IGFL4: variants seen among roughly 807,000 people sequenced by gnomAD.
The protein encoded by IGFL4 is insulin growth factor-like family member 4.
Under a neutral mutation model 15.4 loss-of-function variants are expected in IGFL4, and 12 were observed. The observed-to-expected ratio is 0.78, with a 90% confidence interval of 0.50 to 1.26. The LOEUF (loss-of-function observed/expected upper bound fraction) is 1.26, where lower values mean the gene tolerates loss of function less well. Ranked by LOEUF, IGFL4 falls within the 50% of genes most tolerant of loss-of-function variation. The probability of loss-of-function intolerance (pLI) is 0.00; values close to 1 mark genes in which losing one functional copy is unlikely to be tolerated. For missense variants in IGFL4, 126 were observed against 147.8 expected, an observed-to-expected ratio of 0.85 and a Z score of 0.76; for synonymous variants, 54 against 55.9, an observed-to-expected ratio of 0.97 and a Z score of 0.16.
At chr19:46,056,048 A>G (rs754271348) in intron 2 of IGFL4, among the ~76,000 whole-genome samples, 42 of 152,230 alleles carry the variant, frequency 2.8e-4, no homozygotes, top group Non-Finnish European at 6.0e-4. Context: ...AAGCGCTGGC[A>G]TTACAGGCGT....
At chr19:46,063,722 G>A (rs1969468319) in intron 1 of IGFL4, among the ~76,000 whole-genome samples, 1 of 152,114 alleles carries the variant, frequency 6.6e-6, no homozygotes, top group African/African-American at 2.4e-5. Flanking sequence ...GATGGGTCAG[G>A]AAAGACCCAT....
upstream of IGFL4, among the ~76,000 whole-genome samples, chr19:46,042,751 C>T (rs1339935713): frequency 6.6e-6 from 1 of 152,202 alleles, no homozygotes; most frequent in East Asian, 1.9e-4. Flanking sequence ...AATAGGATGC[C>T]TGTTGCTGAG....
chr19:46,043,894 A>C (rs2146510788), upstream of IGFL4, among the ~76,000 whole-genome samples: 1 of 152,362 alleles, frequency 6.6e-6, no homozygotes, highest in South Asian at 2.1e-4. Flanking sequence ...TGTCCATTTA[A>C]AAAATGGATA....
chr19:46,055,483 C>T (rs189117797), intron 2 of IGFL4, among the ~76,000 whole-genome samples: 23 of 152,282 alleles, frequency 1.5e-4, no homozygotes, highest in African/African-American at 5.3e-4. Context: ...TCTTATCACA[C>T]CCATCTTAAC....
upstream of IGFL4, among the ~76,000 whole-genome samples, chr19:46,041,802 CTCTCTAGAG>C (rs1169616240): frequency 6.7e-6 from 1 of 150,154 alleles, no homozygotes; most frequent in African/African-American, 2.4e-5. Flanking sequence ...TTAGTATAGA[CTCTCTAGAG>C]TCTCTTCCTC....
At chr19:46,043,917 G>C (rs1969272520), upstream of IGFL4, among the ~76,000 whole-genome samples, 1 of 152,162 alleles carries the variant, frequency 6.6e-6, no homozygotes, top group Non-Finnish European at 1.5e-5. Flanking sequence ...TCAGGAAGCG[G>C]GCAAGATGGC....
intron 1 of IGFL4, among the ~76,000 whole-genome samples, chr19:46,068,345 G>T (rs1969514328): frequency 1.3e-5 from 2 of 152,200 alleles, no homozygotes; most frequent in African/African-American, 4.8e-5. Context: ...AGATATTAAA[G>T]ACCTCGAGCT....
intron 1 of IGFL4, among the ~76,000 whole-genome samples, chr19:46,066,016 G>A (rs1008359854): frequency 4.6e-5 from 7 of 152,194 alleles, no homozygotes; most frequent in African/African-American, 1.7e-4. Context: ...GCCCCTGAGA[G>A]ACCCTTAAGG....
upstream of IGFL4, among the ~76,000 whole-genome samples, chr19:46,043,460 T>C (rs1969266159): frequency 6.6e-6 from 1 of 152,178 alleles, no homozygotes; most frequent in Non-Finnish European, 1.5e-5. Flanking sequence ...AGAATTTATC[T>C]GGAAAGGCAG....
chr19:46,068,189 T>C (rs79587806), intron 1 of IGFL4, among the ~76,000 whole-genome samples: 4,020 of 152,328 alleles, frequency 0.026, 77 homozygotes, highest in Middle Eastern at 0.065. Context: ...TCCGCCACCA[T>C]GTGTCACCAT....
intron 2 of IGFL4, chr19:46,059,134 G>GTCTT (rs1217285254): frequency 1.3e-5 from 2 of 152,110 alleles, no homozygotes; most frequent in Non-Finnish European, 2.9e-5. Flanking sequence ...TATCGGCAAG[G>GTCTT]TCTTTATAAG....
At chr19:46,051,660 C>T (rs543519682) in intron 2 of IGFL4, among the ~76,000 whole-genome samples, 1 of 152,060 alleles carries the variant, frequency 6.6e-6, no homozygotes, top group Non-Finnish European at 1.5e-5. Context: ...TGTCAGTGGC[C>T]TAAATGCTCC....
intron 1 of IGFL4, among the ~76,000 whole-genome samples, chr19:46,061,295 G>A (rs1285607039): frequency 1.3e-5 from 2 of 152,068 alleles, no homozygotes; most frequent in Non-Finnish European, 2.9e-5. Flanking sequence ...TTTTTTTCCT[G>A]AAGATTACAT....
intron 2 of IGFL4, among the ~76,000 whole-genome samples, chr19:46,046,268 T>C (rs1969296627): frequency 6.6e-6 from 1 of 151,858 alleles, no homozygotes; most frequent in African/African-American, 2.4e-5. Flanking sequence ...GCAATAAATA[T>C]GGAAAGGGAA....
intron 1 of IGFL4, among the ~76,000 whole-genome samples, chr19:46,071,809 C>G (rs1969549431): frequency 6.6e-6 from 1 of 152,166 alleles, no homozygotes; most frequent in South Asian, 2.1e-4. Flanking sequence ...TCACATGAGT[C>G]CAGGAGTTTG....
chr19:46,055,920 G>C (rs1486154575), intron 2 of IGFL4, among the ~76,000 whole-genome samples: 1 of 152,072 alleles, frequency 6.6e-6, no homozygotes, highest in Non-Finnish European at 1.5e-5. Context: ...AGGATTACAG[G>C]TGCCCACCAC....
At chr19:46,072,869 G>A (rs955213368) in intron 1 of IGFL4, among the ~76,000 whole-genome samples, 12 of 152,152 alleles carry the variant, frequency 7.9e-5, no homozygotes, top group Non-Finnish European at 1.5e-5. Context: ...TCAGAGCGGG[G>A]GCTCTGGATC....
intron 3 of IGFL4, 29 bp from the exon 4 acceptor site, chr19:46,039,965 A>C: frequency 3.1e-6 from 5 of 1,599,160 alleles, no homozygotes; most frequent in Non-Finnish European, 4.3e-6. Context: ...GGGAGAGGGG[A>C]ATAAGAGGGA....
chr19:46,044,211 G>A (rs901870490), upstream of IGFL4, among the ~76,000 whole-genome samples: 5 of 152,228 alleles, frequency 3.3e-5, no homozygotes, highest in South Asian at 2.1e-4. Flanking sequence ...ATAAGCCCAC[G>A]CCCAGAGATT....
Sources: gnomAD v4.1 joint callset for allele counts (sites outside exome capture counted in the v4.1 genomes callset) on GRCh38, gnomAD v4.1.1 for gene constraint, MANE v1.5 for transcripts, NCBI Gene and HGNC (gene_info 2026-07-23, HGNC 2026-07-21) for gene names.